Variants in DGKB observed in about 807,000 individuals in gnomAD.
DGKB encodes the protein diacylglycerol kinase beta, also known as 90 kDa diacylglycerol kinase.
In DGKB, 67 loss-of-function variants were observed where a neutral mutation model predicts 114.3. The observed-to-expected ratio is 0.59, with a 90% CI of 0.48 to 0.72. DGKB has a LOEUF of 0.72. Ranked by LOEUF, DGKB falls within the 30% of genes least tolerant of loss-of-function variation. The pLI, the probability that DGKB is intolerant of heterozygous loss-of-function variation, is 0.00. For synonymous variants in DGKB, 398 were observed against 323.1 expected, an observed-to-expected ratio of 1.23 and a Z score of -2.49; for missense variants, 907 against 975.2, an observed-to-expected ratio of 0.93 and a Z score of 0.93.
intron 17 of DGKB, among the ~76,000 whole-genome samples, chr7:14,592,851 C>A (rs1165954339): frequency 6.6e-6 from 1 of 151,716 alleles, no homozygotes; most frequent in Non-Finnish European, 1.5e-5. Flanking sequence ...ATAATATCCT[C>A]CAATCTAATA....
chr7:14,168,087 CAGAG>C (rs1341938484), intron 25 of DGKB, among the ~76,000 whole-genome samples: 7 of 151,926 alleles, frequency 4.6e-5, no homozygotes, highest in African/African-American at 1.5e-4. Context: ...AAATGAAAGA[CAGAG>C]AGCCTGAACT....
At chr7:14,957,072 T>C (rs1386119240) in intron 1 of DGKB, among the ~76,000 whole-genome samples, 1 of 151,970 alleles carries the variant, frequency 6.6e-6, no homozygotes, top group African/African-American at 2.4e-5. Context: ...TTTTGAGCTT[T>C]CTAGTTTCAT....
intron 22 of DGKB, among the ~76,000 whole-genome samples, chr7:14,344,998 A>T (rs988360739): frequency 2.0e-5 from 3 of 151,662 alleles, no homozygotes; most frequent in African/African-American, 4.8e-5. Flanking sequence ...TTTCTTCCCA[A>T]CTACTTTTAT....
intron 22 of DGKB, among the ~76,000 whole-genome samples, chr7:14,341,566 T>A (rs1156288691): frequency 6.6e-6 from 1 of 151,904 alleles, no homozygotes; most frequent in African/African-American, 2.4e-5. Context: ...AAAAAGGTCG[T>A]TAACATATAG....
intron 20 of DGKB, among the ~76,000 whole-genome samples, chr7:14,485,041 C>A (rs373595376): frequency 1.3e-4 from 20 of 150,824 alleles, no homozygotes; most frequent in African/African-American, 4.9e-4. Context: ...GGTAAAAAGT[C>A]TGTTAATCTG....
chr7:14,210,232 G>A (rs564522382), intron 23 of DGKB, among the ~76,000 whole-genome samples: 6 of 152,120 alleles, frequency 3.9e-5, no homozygotes, highest in Admixed American at 6.6e-5. Flanking sequence ...TGATACATCT[G>A]GTGGTGCAAT....
chr7:14,905,306 A>G (rs529663415), upstream of DGKB, among the ~76,000 whole-genome samples: 2 of 149,058 alleles, frequency 1.3e-5, no homozygotes, highest in South Asian at 4.2e-4. Context: ...AGAAAAAACC[A>G]CTCTCTTAAA....
At chr7:14,654,144 T>C (rs1388692125) in intron 13 of DGKB, among the ~76,000 whole-genome samples, 7 of 151,918 alleles carry the variant, frequency 4.6e-5, no homozygotes, top group Non-Finnish European at 1.0e-4. Flanking sequence ...ACCTGAAGAC[T>C]TCACAAAAAA....
chr7:14,303,962 C>A (rs1403928266), intron 23 of DGKB, among the ~76,000 whole-genome samples: 2 of 151,428 alleles, frequency 1.3e-5, no homozygotes, highest in Non-Finnish European at 2.9e-5. Flanking sequence ...TTTAATGAAA[C>A]CCTGGATTAG....
intron 21 of DGKB, among the ~76,000 whole-genome samples, chr7:14,422,687 A>C (rs1583823937): frequency 6.6e-6 from 1 of 152,140 alleles, no homozygotes; most frequent in South Asian, 2.1e-4. Flanking sequence ...TTTCCCAATT[A>C]AAACATTTTA....
intron 23 of DGKB, among the ~76,000 whole-genome samples, chr7:14,197,113 G>T (rs1401860926): frequency 6.6e-6 from 1 of 152,026 alleles, no homozygotes; most frequent in East Asian, 1.9e-4. Context: ...TCAAGGAGTT[G>T]CTTTGTGGGG....
chr7:14,575,033 G>A (rs987543317), intron 19 of DGKB, among the ~76,000 whole-genome samples: 7 of 152,152 alleles, frequency 4.6e-5, no homozygotes, highest in Non-Finnish European at 8.8e-5. Flanking sequence ...GCTGAGGCGG[G>A]AGGACTACTT....
intron 1 of DGKB, among the ~76,000 whole-genome samples, chr7:14,855,975 T>C (rs926526396): frequency 1.3e-4 from 17 of 135,980 alleles, no homozygotes; most frequent in African/African-American, 3.6e-4. Context: ...AATATGCTAA[T>C]TTAGATAATG....
intron 23 of DGKB, among the ~76,000 whole-genome samples, chr7:14,333,117 G>T (rs1407400940): frequency 1.3e-5 from 2 of 152,060 alleles, no homozygotes; most frequent in African/African-American, 4.8e-5. Flanking sequence ...AATTTTATTT[G>T]TGCAAATCCA....
At chr7:14,916,246 A>G (rs1419294134) in intron 1 of DGKB, among the ~76,000 whole-genome samples, 1 of 148,700 alleles carries the variant, frequency 6.7e-6, no homozygotes, top group Non-Finnish European at 1.5e-5. Context: ...CATATGAAAT[A>G]GTTAATTAAA....
intron 20 of DGKB, among the ~76,000 whole-genome samples, chr7:14,511,431 C>T (rs1020329110): frequency 2.0e-5 from 3 of 152,160 alleles, no homozygotes; most frequent in African/African-American, 2.4e-5. Context: ...TCTGCAGCTT[C>T]CTCACCTCTC....
intron 13 of DGKB, among the ~76,000 whole-genome samples, chr7:14,651,390 A>C (rs1256289851): frequency 6.7e-6 from 1 of 149,016 alleles, no homozygotes; most frequent in Non-Finnish European, 1.5e-5. Context: ...AGAGCCAAAG[A>C]CAAAAACCAC....
intron 20 of DGKB, among the ~76,000 whole-genome samples, chr7:14,498,917 G>T (rs1160458828): frequency 1.3e-5 from 2 of 151,608 alleles, no homozygotes; most frequent in African/African-American, 4.8e-5. Flanking sequence ...GCTGGAAACT[G>T]GGTTTTGAGG....
At chr7:14,519,592 G>A (rs1789410960) in intron 20 of DGKB, among the ~76,000 whole-genome samples, 2 of 151,882 alleles carry the variant, frequency 1.3e-5, no homozygotes, top group Admixed American at 1.3e-4. Flanking sequence ...ATTTTTGGGA[G>A]GTATATTTCT....
Sources: allele counts gnomAD v4.1 joint callset (sites outside exome capture counted in the v4.1 genomes callset), GRCh38; gene constraint gnomAD v4.1.1; transcripts MANE v1.5; gene names NCBI Gene and HGNC (gene_info 2026-07-23, HGNC 2026-07-21).